The following RXRA variants were observed in gnomAD, a reference collection of about 807,000 sequenced individuals.
RXRA encodes the protein retinoid X receptor alpha.
In RXRA, 5 loss-of-function variants were observed where a neutral mutation model predicts 44.5. The observed-to-expected ratio is 0.11, with a 90% CI of 0.06 to 0.24. RXRA has a LOEUF of 0.24. Among genes scored for constraint, RXRA ranks in the 10% least tolerant of loss-of-function variants. RXRA has a pLI of 1.00. For missense variants in RXRA, 412 were observed against 646.5 expected (o/e 0.64, Z 3.93); for synonymous variants, 291 against 271.4 (o/e 1.07, Z -0.71).
chr9:134,346,001 G>A (rs1258925154), intron 1 of RXRA, among the ~76,000 whole-genome samples: 4 of 152,142 alleles, frequency 2.6e-5, no homozygotes, highest in African/African-American at 9.7e-5. Context: ...GTCTTACGGT[G>A]TTCATATAGG....
chr9:134,358,764 G>A (rs1374340765), intron 1 of RXRA, among the ~76,000 whole-genome samples: 2 of 152,322 alleles, frequency 1.3e-5, no homozygotes, highest in Non-Finnish European at 1.5e-5. Context: ...CCCCGGCTGG[G>A]GTCTCAATGG....
chr9:134,352,979 C>A (rs935336196), intron 1 of RXRA, among the ~76,000 whole-genome samples: 1 of 152,134 alleles, frequency 6.6e-6, no homozygotes, highest in Non-Finnish European at 1.5e-5. Context: ...CTTGGAAAGC[C>A]AGCTGGGGGC....
rs536705622 is a variant in RXRA, at chr9:134,366,780, C to T, written c.29-34852C>T. Among the ~76,000 whole-genome samples the T allele has an allele frequency of 6.6e-6, 1 of 152,366 alleles. No homozygotes were observed. Among genetic ancestry groups the T allele is most frequent in the African/African-American group, 2.4e-5 (1 of 41,592 alleles). ...AGGAAGCCTGGCACCCCCCATGTTT[C>T]ACGTAGGCCACCCTAAGGTCCACAG... On this transcript the variant is annotated intron_variant, in intron 1 of 9. Transcript: ENST00000481739. The surrounding 1 kb of genome is among the most constrained non-coding windows in gnomAD (Gnocchi z 5.9).
At chr9:134,386,258 G>T (rs558803514) in intron 1 of RXRA, among the ~76,000 whole-genome samples, 1 of 152,258 alleles carries the variant, frequency 6.6e-6, no homozygotes, top group Admixed American at 6.5e-5. Flanking sequence ...CCCTGAGCCC[G>T]CCGGCCAGCG....
At chr9:134,434,493 C>T (rs1280944285) in intron 9 of RXRA, among the ~76,000 whole-genome samples, 2 of 152,202 alleles carry the variant, frequency 1.3e-5, no homozygotes, top group Non-Finnish European at 2.9e-5. Context: ...GTGCTTCACC[C>T]CCCACTGCGC....
rs1174532729 is a variant in RXRA at position 134,342,914 on chromosome 9, T to A, written c.28+16255T>A. Among the ~76,000 whole-genome samples the A allele has an allele frequency of 6.6e-6, 1 of 152,186 alleles. No homozygotes were observed. The highest frequency in any genetic ancestry group is 2.4e-5 in the African/African-American group (1 of 41,432). On this transcript the variant is annotated intron_variant, in intron 1 of 9. Coordinates refer to ENST00000481739, the MANE Select transcript of RXRA (RefSeq NM_002957.6). The surrounding 1 kb of genome is among the most constrained non-coding windows in gnomAD (Gnocchi z 4.4). ...GTGATGTGGGTGGCATGACTGCGGATGCAGGCACGTGTGGGTGCTGGGGAT... is the reference window on the plus strand; with the variant it reads ...GTGATGTGGGTGGCATGACTGCGGAAGCAGGCACGTGTGGGTGCTGGGGAT...
chr9:134,332,698 T>C (rs1344736104), intron 1 of RXRA, among the ~76,000 whole-genome samples: 2 of 152,086 alleles, frequency 1.3e-5, no homozygotes, highest in Non-Finnish European at 2.9e-5. Flanking sequence ...GCCCGGAGAC[T>C]GGGGGATCCC....
At chr9:134,334,020 G>A (rs572753334) in intron 1 of RXRA, among the ~76,000 whole-genome samples, 177 of 152,364 alleles carry the variant, frequency 1.2e-3, no homozygotes, top group African/African-American at 4.1e-3. Context: ...TTGGTGCCCA[G>A]AGCCTGCATT....
chr9:134,349,128 G>C lies in RXRA; in HGVS notation c.28+22469G>C, dbSNP rs868913024. Among the ~76,000 whole-genome samples, 1 of 152,344 alleles carries C rather than the reference G, an allele frequency of 6.6e-6. No homozygotes were observed. The highest frequency in any genetic ancestry group is 3.4e-3 in the Middle Eastern group (1 of 294). On this transcript the variant is annotated intron_variant, in intron 1 of 9. Transcript: ENST00000481739. This position sits in a 1 kb window ranked among gnomAD's most constrained non-coding sequence, Gnocchi z 4.3. ...TGTCCCTGAACTCACCGAGGGCCAG[G>C]AGGGGTCCTGAACACTGCCCTGCCT...
At chr9:134,359,300 C>T (rs554800114) in intron 1 of RXRA, among the ~76,000 whole-genome samples, 115 of 152,140 alleles carry the variant, frequency 7.6e-4, no homozygotes, top group Non-Finnish European at 1.4e-3. Flanking sequence ...GTGCTGCTGC[C>T]GCCGGCGGCT....
At chr9:134,403,018 G>A (rs1830988889) in intron 2 of RXRA, 1 of 152,240 alleles carries the variant, frequency 6.6e-6, no homozygotes, top group African/African-American at 2.4e-5. Flanking sequence ...AGTTTACCTA[G>A]GGCAGGCACT....
At chr9:134,329,700 C>T (rs1834973637) in intron 1 of RXRA, among the ~76,000 whole-genome samples, 1 of 152,218 alleles carries the variant, frequency 6.6e-6, no homozygotes, top group African/African-American at 2.4e-5. Context: ...GTGGTTCTTC[C>T]AGCTGTGCCT....
chr9:134,381,025 C>G (rs1211020043), intron 1 of RXRA, among the ~76,000 whole-genome samples: 3 of 152,204 alleles, frequency 2.0e-5, no homozygotes, highest in African/African-American at 7.2e-5. Context: ...GAGACTGAGT[C>G]TGAACCCGGT....
chr9:134,376,842 A>G (rs978449497), intron 1 of RXRA, among the ~76,000 whole-genome samples: 4 of 152,086 alleles, frequency 2.6e-5, no homozygotes, highest in Non-Finnish European at 4.4e-5. Context: ...GGGTCTCAGG[A>G]GGGAGGGAAG....
intron 1 of RXRA, among the ~76,000 whole-genome samples, chr9:134,392,159 T>C (rs1031560884): frequency 3.3e-5 from 5 of 152,202 alleles, no homozygotes; most frequent in South Asian, 2.1e-4. Context: ...ATGCAGGCGA[T>C]TGGGGCTCCC....
chr9:134,344,088 C>T (rs1269512171), intron 1 of RXRA, among the ~76,000 whole-genome samples: 1 of 152,236 alleles, frequency 6.6e-6, no homozygotes, highest in Non-Finnish European at 1.5e-5. Flanking sequence ...CCTGCTCTGC[C>T]CTTCTTTTTC....
At chr9:134,421,096 C>G (rs576025223) in intron 5 of RXRA, among the ~76,000 whole-genome samples, 1 of 152,238 alleles carries the variant, frequency 6.6e-6, no homozygotes, top group African/African-American at 2.4e-5. Flanking sequence ...GTCAGCTCGC[C>G]GCACCTGCCT....
chr9:134,394,470 G>A (rs1010364119), intron 1 of RXRA, among the ~76,000 whole-genome samples: 11 of 152,168 alleles, frequency 7.2e-5, no homozygotes, highest in Non-Finnish European at 7.4e-5. Flanking sequence ...TTTGGTTGGT[G>A]TCTCCTGACT....
intron 4 of RXRA, among the ~76,000 whole-genome samples, chr9:134,414,891 C>T (rs987568554): frequency 4.6e-5 from 7 of 152,048 alleles, no homozygotes; most frequent in East Asian, 1.9e-4. Flanking sequence ...TATGGAGGGT[C>T]GTGTCAGTAG....
Sources: gnomAD v4.1 joint callset for allele counts (sites outside exome capture counted in the v4.1 genomes callset) on GRCh38, gnomAD v4.1.1 for gene constraint, Gnocchi (gnomAD v3.1) non-coding constraint, MANE v1.5 for transcripts, NCBI Gene and HGNC (gene_info 2026-07-23, HGNC 2026-07-21) for gene names.